DORIP1: variants seen among roughly 807,000 people sequenced by gnomAD.
DORIP1 encodes dopamine receptor interacting protein 1.
chr14:44,905,461 C>T, the DORIP1 span: 6 of 1,569,006 alleles, frequency 3.8e-6, no homozygotes, highest in East Asian at 2.3e-5. Context: ...CTATGATGGG[C>T]TCAGAAATGT....
chr14:44,899,638 A>G, the DORIP1 span, among the ~76,000 whole-genome samples: 1 of 152,016 alleles, frequency 6.6e-6, no homozygotes, highest in Admixed American at 6.6e-5. Context: ...TATAAAGATT[A>G]TGTAATGGCT....
chr14:44,907,109 G>C, the DORIP1 span: 1 of 152,554 alleles, frequency 6.6e-6, no homozygotes, highest in East Asian at 1.9e-4. Flanking sequence ...ATTCTTTCAG[G>C]AAATGCACTT....
At chr14:44,904,912 C>A in the DORIP1 span, 1 of 174,604 alleles carries the variant, frequency 5.7e-6, no homozygotes, top group African/African-American at 2.4e-5. Context: ...TAGTACCTGA[C>A]ACATAATACT....
chr14:44,903,297 G>A, the DORIP1 span: 1 of 1,608,910 alleles, frequency 6.2e-7, no homozygotes. Flanking sequence ...AAGAGCATGG[G>A]TGAGTATACA....
At chr14:44,901,822 G>C in the DORIP1 span, among the ~76,000 whole-genome samples, 1 of 152,174 alleles carries the variant, frequency 6.6e-6, no homozygotes, top group African/African-American at 2.4e-5. Context: ...GGTGCAAGGA[G>C]CCAGATGAGT....
the DORIP1 span, among the ~76,000 whole-genome samples, chr14:44,899,898 C>T: frequency 8.1e-6 from 1 of 124,116 alleles, no homozygotes; most frequent in African/African-American, 3.2e-5. Context: ...ATGGCGTGAT[C>T]TCGGCTCACC....
chr14:44,905,215 A>C, the DORIP1 span: 1 of 458,978 alleles, frequency 2.2e-6, no homozygotes, highest in Non-Finnish European at 3.7e-6. Context: ...CACATTTCCA[A>C]TTTTATTACA....
the DORIP1 span, among the ~76,000 whole-genome samples, chr14:44,898,561 A>G: frequency 2.0e-5 from 3 of 152,230 alleles, no homozygotes; most frequent in Non-Finnish European, 2.9e-5. Context: ...AAATCAAACC[A>G]TAAAGTTATT....
At chr14:44,901,218 C>T in the DORIP1 span, among the ~76,000 whole-genome samples, 1 of 152,144 alleles carries the variant, frequency 6.6e-6, no homozygotes, top group African/African-American at 2.4e-5. Flanking sequence ...ATAGGCTTTA[C>T]CATATAGCCT....
chr14:44,904,052 T>A, the DORIP1 span: 1 of 985,008 alleles, frequency 1.0e-6, no homozygotes, highest in African/African-American at 1.7e-5. Context: ...TAGAGTCATA[T>A]TTTTCCCCTC....
the DORIP1 span, chr14:44,904,214 A>G: frequency 1.0e-6 from 1 of 985,368 alleles, no homozygotes; most frequent in African/African-American, 1.7e-5. Flanking sequence ...CACAGCTTAT[A>G]AACTTCTGGA....
At chr14:44,897,369 C>G in the DORIP1 span, 29 of 158,364 alleles carry the variant, frequency 1.8e-4, no homozygotes, top group Admixed American at 7.2e-4. Context: ...GGCGCTGGAG[C>G]TGCTGTGGCT....
chr14:44,904,557 T>C, the DORIP1 span: 2 of 1,542,058 alleles, frequency 1.3e-6, no homozygotes, highest in South Asian at 1.3e-5. Flanking sequence ...TGTTTCTTTA[T>C]AAAACTAATA....
the DORIP1 span, chr14:44,897,536 C>T: frequency 1.5e-5 from 3 of 204,026 alleles, no homozygotes; most frequent in South Asian, 6.9e-5. Flanking sequence ...GCGACGGGTG[C>T]GGCGGCACCG....
At chr14:44,899,823 AATTTTT>A in the DORIP1 span, among the ~76,000 whole-genome samples, 1 of 134,396 alleles carries the variant, frequency 7.4e-6, no homozygotes, top group African/African-American at 3.4e-5. Context: ...TTCATTTAGG[AATTTTT>A]TTTTTTTTTT....
the DORIP1 span, among the ~76,000 whole-genome samples, chr14:44,902,785 C>T: frequency 6.6e-5 from 10 of 152,038 alleles, no homozygotes; most frequent in East Asian, 1.9e-3. Context: ...TTAAAGCAAC[C>T]TCTGAAGTAA....
chr14:44,899,102 G>GT, the DORIP1 span: 2 of 152,126 alleles, frequency 1.3e-5, no homozygotes, highest in South Asian at 4.1e-4. Flanking sequence ...GATGTTGTTA[G>GT]TTTATTTGCT....
chr14:44,904,312 T>TA, the DORIP1 span: 1 of 1,506,334 alleles, frequency 6.6e-7, no homozygotes, highest in Non-Finnish European at 8.8e-7. Context: ...ATAAGAAAAT[T>TA]AAAGTCATAA....
At chr14:44,905,324 A>T in the DORIP1 span, 1 of 1,279,224 alleles carries the variant, frequency 7.8e-7, no homozygotes, top group Non-Finnish European at 1.1e-6. Flanking sequence ...TTATCTTAAC[A>T]AAGTATTAAA....
Sources: gnomAD v4.1 joint callset for allele counts (sites outside exome capture counted in the v4.1 genomes callset) on GRCh38, gnomAD v4.1.1 for gene constraint, MANE v1.5 for transcripts, NCBI Gene and HGNC (gene_info 2026-07-23, HGNC 2026-07-21) for gene names.